PHLDB3: variants seen among roughly 807,000 people sequenced by gnomAD.
The protein encoded by PHLDB3 is pleckstrin homology like domain family B member 3, also known as pleckstrin homology-like domain family B member 3.
A neutral mutation model predicts 85.7 loss-of-function variants in PHLDB3; 86 were observed. The ratio of observed to expected loss-of-function variants is 1.00; its 90% CI spans 0.84 to 1.20. The LOEUF (loss-of-function observed/expected upper bound fraction) is 1.20, where lower values mean the gene tolerates loss of function less well. PHLDB3 is among the 50% of genes most tolerant of loss of function. The probability of loss-of-function intolerance (pLI) is 0.00; values close to 1 mark genes in which losing one functional copy is unlikely to be tolerated. For synonymous variants in PHLDB3, 376 were observed against 349.8 expected, an observed-to-expected ratio of 1.07 and a Z score of -0.83; for missense variants, 995 against 873.0, an observed-to-expected ratio of 1.14 and a Z score of -1.76.
intron 4 of PHLDB3, among the ~76,000 whole-genome samples, chr19:43,500,909 A>C (rs2682554): frequency 0.24 from 4,050 of 16,710 alleles, 540 homozygotes; most frequent in East Asian, 0.45. Context: ...CGCCCCCCGT[A>C]CCCCCCCCCC....
intron 6 of PHLDB3, chr19:43,496,688 G>A (rs1239724851): frequency 1.1e-5 from 2 of 184,796 alleles, no homozygotes; most frequent in Non-Finnish European, 2.2e-5. Context: ...TGGGAGGATC[G>A]CTTAAGCACA....
chr19:43,501,741 C>T lies in PHLDB3; in HGVS notation c.527G>A (p.Arg176Gln), dbSNP rs752968263. The change falls in exon 4 of 16, where the codon CGG becomes CAG. Residue 176 changes from arginine (R) to glutamine (Q), a missense_variant. By Grantham distance (43) the Arg-to-Gln change is conservative. Coordinates refer to ENST00000292140, the MANE Select transcript of PHLDB3 (RefSeq NM_198850.4). ...CCGGTGAGCCAAACAGACCTGTTCCCGCTGCTGGCGGCCGCGCTGCTCCGA... is the reference window on the plus strand; with the variant it reads ...CCGGTGAGCCAAACAGACCTGTTCCTGCTGCTGGCGGCCGCGCTGCTCCGA... ...AASEQRGRQQ[R>Q]EQEQRRLSQE... 8 of 1,584,016 alleles carry T rather than the reference C, an allele frequency of 5.1e-6. No individual in the cohort carries two copies. Among genetic ancestry groups the T allele is most frequent in the South Asian group, 4.6e-5 (4 of 87,572 alleles).
At chr19:43,494,911 A>G in intron 8 of PHLDB3, 96 bp from the exon 9 acceptor site, 2 of 834,994 alleles carry the variant, frequency 2.4e-6, no homozygotes, top group Non-Finnish European at 3.8e-6. Context: ...AGTGCCACCC[A>G]TTTCTCAGAA....
At chr19:43,490,994 G>A (rs36034157) in intron 9 of PHLDB3, among the ~76,000 whole-genome samples, 26,488 of 152,138 alleles carry the variant, frequency 0.17, 2,386 homozygotes, top group Non-Finnish European at 0.19. Context: ...AGCATGCATG[G>A]CCCCCAGGTG....
chr19:43,475,451 C>G lies in PHLDB3; in HGVS notation c.1882G>C (p.Asp628His), dbSNP rs1304796326. 6.2e-6 allele frequency: 10 copies of G among 1,613,960 alleles called. No individual in the cohort carries two copies. The highest frequency in any genetic ancestry group is 7.6e-6 in the Non-Finnish European group (9 of 1,179,854). Residue 628 changes from aspartate (D) to histidine (H), a missense_variant, in exon 16 of 16, where the codon GAC becomes CAC. Physicochemically the swap from Asp to His is moderately conservative, Grantham distance 81. Transcript: ENST00000292140. ...TCGTCAGCGGCGGTCACGATGACGT[C>G]CATCCAAATGCGCATGGCTTCGGGG... Reference protein sequence around the residue: ...PSPEAMRIWMDVIVTAADENH... With the variant: ...PSPEAMRIWMHVIVTAADENH...
rs201917385 is a variant in PHLDB3 at position 43,486,271 on chromosome 19, T to A, written c.1480A>T (p.Ile494Phe). ...EGSSGPAVPA[I>F]TAPPTPPHPP... ...AGGGCGGGGGTGGGACTGACCGTGATGGCAGGAACAGCAGGGCCTGAGGAA... is the reference window on the plus strand; with the variant it reads ...AGGGCGGGGGTGGGACTGACCGTGAAGGCAGGAACAGCAGGGCCTGAGGAA... Residue 494 changes from isoleucine (I) to phenylalanine (F), a missense_variant, in exon 13 of 16, where the codon ATC becomes TTC. Physicochemically the swap from Ile to Phe is conservative, Grantham distance 21. Coordinates refer to ENST00000292140, the MANE Select transcript of PHLDB3 (RefSeq NM_198850.4). The A allele has an allele frequency of 1.1e-5, 18 of 1,610,516 alleles. No individual in the cohort carries two copies. In the African/African-American group the frequency reaches 2.4e-4, roughly 21 times the overall value.
chr19:43,492,670 CAG>C (rs1160485740), intron 9 of PHLDB3, among the ~76,000 whole-genome samples: 1 of 147,980 alleles, frequency 6.8e-6, no homozygotes, highest in African/African-American at 2.5e-5. Flanking sequence ...GTTCTGAAAA[CAG>C]AGTACCTGGG....
rs376986300 is a variant in PHLDB3, at chr19:43,486,991, T to C, written c.1249+33A>G. 5.6e-5 allele frequency: 84 copies of C among 1,508,648 alleles called. No homozygotes were observed. In the African/African-American group the frequency reaches 1.0e-3, roughly 18 times the overall value. The allele number at this position is 1,508,648 out of a possible 1,614,324, so 93.5% of individuals were successfully genotyped here. ...CTCTGCTGCAGGATGAGTGCTGATG[T>C]GGGAAGGAAGTGGGGAACAGGGGGA... On this transcript the variant is annotated intron_variant, in intron 10 of 15. Transcript: ENST00000292140.
rs1555754917 is a variant in PHLDB3, at chr19:43,487,585, A to ACAAAAAC, written c.1150-463_1150-462insGTTTTTG. Among the ~76,000 whole-genome samples the ACAAAAAC allele has an allele frequency of 9.2e-5, 13 of 141,708 alleles. No homozygotes were observed. The South Asian group carries it at 2.3e-3, about 25-fold the overall frequency. 93.0% of individuals were successfully genotyped at this position (141,708 alleles called of 152,430 possible). ...GCAAGACTCTGTCTCAAAAAAAAAAAAAAAAAACACAGAAAAGAAAAAAAG... is the reference window on the plus strand; with the variant it reads ...GCAAGACTCTGTCTCAAAAAAAAAAACAAAAACAAAAAAACACAGAAAAGAAAAAAAG... On this transcript the variant is annotated intron_variant, in intron 9 of 15. Transcript: ENST00000292140.
At chr19:43,501,925 G>A (rs1333226323) in intron 3 of PHLDB3, 54 bp from the exon 4 acceptor site, 13 of 1,525,638 alleles carry the variant, frequency 8.5e-6, no homozygotes, top group Non-Finnish European at 1.1e-5. Flanking sequence ...CAAGGAAGAG[G>A]CCCAGGGCCT....
At position 43,501,755 on chromosome 19, in the gene PHLDB3, G is replaced by A. The variant is rs778701550; in HGVS notation, c.513C>T (p.Arg171=). ...LLEQQAASEQ[R]GRQQREQEQR... is the part of the protein sequence containing the mutation. ...AGACCTGTTCCCGCTGCTGGCGGCC[G>A]CGCTGCTCCGAGGCCGCCTGCTGCT... The change falls in exon 4 of 16, where the codon CGC becomes CGT. Residue 171 remains arginine, a synonymous_variant. Coordinates refer to ENST00000292140, the MANE Select transcript of PHLDB3 (RefSeq NM_198850.4). 5 of 1,583,410 alleles carry A rather than the reference G, an allele frequency of 3.2e-6. No homozygotes were observed. Among genetic ancestry groups the A allele is most frequent in the East Asian group, 2.3e-5 (1 of 43,282 alleles).
chr19:43,493,634 A>C (rs1971374098), intron 9 of PHLDB3, among the ~76,000 whole-genome samples: 1 of 152,122 alleles, frequency 6.6e-6, no homozygotes. Context: ...TCTGTCAAAA[A>C]AAAAAAGCTA....
intron 9 of PHLDB3, among the ~76,000 whole-genome samples, chr19:43,493,166 C>A (rs183517975): frequency 2.6e-5 from 4 of 152,106 alleles, no homozygotes; most frequent in Non-Finnish European, 4.4e-5. Context: ...GTAATCCCAG[C>A]TACTCAGGAG....
intron 4 of PHLDB3, among the ~76,000 whole-genome samples, chr19:43,500,909 AC>A (rs1248570317): frequency 0.16 from 2,763 of 17,182 alleles, 641 homozygotes; most frequent in African/African-American, 0.44. Context: ...CGCCCCCCGT[AC>A]CCCCCCCCCA....
At position 43,497,156 on chromosome 19, in the gene PHLDB3, TG is replaced by T; in HGVS notation, c.786del (p.Lys263ArgfsTer42). The stretch of plus-strand genomic sequence containing the variant: ...ATGCTGGCCTGGAGTTCCTGGACCT[TG>T]GGGTCTGGCACCTGGGGCCCAGGGC... ...RDSPGPQVPD[P>X]KVQELQASMA... On this transcript the variant is annotated frameshift_variant, in exon 6 of 16. Coordinates refer to ENST00000292140, the MANE Select transcript of PHLDB3 (RefSeq NM_198850.4). LOFTEE classifies it high-confidence loss of function. 6.4e-7 allele frequency: 1 copy of T among 1,555,282 alleles called. No individual in the cohort carries two copies.
chr19:43,500,906 C>T (rs1247653137), intron 4 of PHLDB3, among the ~76,000 whole-genome samples: 1 of 12,430 alleles, frequency 8.0e-5, no homozygotes. Context: ...CCCCGCCCCC[C>T]GTACCCCCCC....
rs994185864 is a variant in PHLDB3 at position 43,501,721 on chromosome 19, G to A, written c.534+13C>T. On this transcript the variant is annotated intron_variant, in intron 4 of 15. Transcript: ENST00000292140. ...AGGACACTGCTGATGAAGACCCGGT[G>A]AGCCAAACAGACCTGTTCCCGCTGC... 1.9e-6 allele frequency: 3 copies of A among 1,576,396 alleles called. No homozygotes were observed. The highest frequency in any genetic ancestry group is 2.6e-6 in the Non-Finnish European group (3 of 1,168,172).
chr19:43,475,718 G>A (rs146673187), intron 15 of PHLDB3, among the ~76,000 whole-genome samples, 174 bp from the exon 16 acceptor site: 1 of 152,250 alleles, frequency 6.6e-6, no homozygotes, highest in East Asian at 1.9e-4. Context: ...GGGTTATAAG[G>A]ATTAAATGAA....
At chr19:43,504,277 G>C (rs1367521447) in intron 1 of PHLDB3, 145 bp from the exon 2 acceptor site, 35 of 752,442 alleles carry the variant, frequency 4.7e-5, no homozygotes, top group Non-Finnish European at 6.7e-5. Context: ...TTACGGAGGC[G>C]TGTCCTGAAG....
Sources: allele counts gnomAD v4.1 joint callset (sites outside exome capture counted in the v4.1 genomes callset), GRCh38; gene constraint gnomAD v4.1.1; transcripts MANE v1.5; gene names NCBI Gene and HGNC (gene_info 2026-07-23, HGNC 2026-07-21).